The following ALCAM variants were observed in gnomAD, a reference collection of about 807,000 sequenced individuals.
The protein encoded by ALCAM is activated leukocyte cell adhesion molecule, also known as CD166 antigen.
Under a neutral mutation model 70.9 loss-of-function variants are expected in ALCAM, and 30 were observed. That is an observed-to-expected ratio of 0.42 (90% CI 0.32 to 0.57). The LOEUF is 0.57. ALCAM is among the 20% of genes least tolerant of loss of function. The pLI is 0.11. For missense variants in ALCAM, 591 were observed against 695.1 expected (o/e 0.85, Z 1.68); for synonymous variants, 249 against 242.5 (o/e 1.03, Z -0.25).
intron 1 of ALCAM, among the ~76,000 whole-genome samples, chr3:105,518,070 A>G (rs1216434975): frequency 1.3e-5 from 2 of 152,098 alleles, no homozygotes; most frequent in Admixed American, 6.6e-5. Context: ...GAAAAGAAAA[A>G]TGGTCTGTGA....
chr3:105,458,083 A>G (rs113452169), intron 1 of ALCAM, among the ~76,000 whole-genome samples: 15 of 29,350 alleles, frequency 5.1e-4, no homozygotes, highest in African/African-American at 1.0e-3. Context: ...ACTTCAGGGG[A>G]AAAAAAAAAA....
intron 6 of ALCAM, among the ~76,000 whole-genome samples, 174 bp from the exon 7 acceptor site, chr3:105,539,801 T>C (rs1180969526): frequency 6.6e-6 from 1 of 152,134 alleles, no homozygotes; most frequent in Non-Finnish European, 1.5e-5. Context: ...CTAAGATTAG[T>C]ACTTGTATAG....
intron 1 of ALCAM, among the ~76,000 whole-genome samples, chr3:105,456,831 AG>A (rs1937540584): frequency 6.6e-6 from 1 of 152,186 alleles, no homozygotes; most frequent in Admixed American, 6.5e-5. Context: ...CAGGTAAAAA[AG>A]AAAAAAAAAC....
Position 105,575,842 on chromosome 3 carries a change from A to G in ALCAM, c.*1391A>G, listed in dbSNP as rs538645694. 1.3e-5 allele frequency: 2 copies of G among 152,206 alleles called. No individual in the cohort carries two copies. Among genetic ancestry groups the G allele is most frequent in the Non-Finnish European group, 2.9e-5 (2 of 68,040 alleles). The allele number at this position is 152,206 out of a possible 1,614,324, so 9.4% of individuals were successfully genotyped here. A position where few individuals can be genotyped will look rare whatever the true frequency, so the allele number is the denominator to read the frequency against. On this transcript the variant is annotated 3_prime_UTR_variant, in exon 16 of 16. Coordinates refer to ENST00000306107, the MANE Select transcript of ALCAM (RefSeq NM_001627.4). The stretch of plus-strand genomic sequence containing the variant: ...ACATCAGATTTCTAGGTATAGAACT[A>G]TGTTATTGAAAGGAAAAGGAAAACT...
intron 1 of ALCAM, among the ~76,000 whole-genome samples, chr3:105,452,704 A>T (rs879031348): frequency 6.6e-6 from 1 of 152,172 alleles, no homozygotes; most frequent in African/African-American, 2.4e-5. Context: ...GTATAAAAGC[A>T]TTCCTGTTTC....
At chr3:105,515,589 T>A (rs938710119) in intron 1 of ALCAM, among the ~76,000 whole-genome samples, 2 of 151,992 alleles carry the variant, frequency 1.3e-5, no homozygotes, top group Non-Finnish European at 2.9e-5. Flanking sequence ...GCCTGGAGAC[T>A]TTTTGGCTGT....
At chr3:105,522,134 A>C (rs1271522822) in intron 2 of ALCAM, among the ~76,000 whole-genome samples, 2 of 152,216 alleles carry the variant, frequency 1.3e-5, no homozygotes, top group Non-Finnish European at 2.9e-5. Flanking sequence ...GAGTTAGTAA[A>C]CCCAGGGAGT....
chr3:105,435,941 A>G (rs1254450449), intron 1 of ALCAM, among the ~76,000 whole-genome samples: 1 of 152,156 alleles, frequency 6.6e-6, no homozygotes, highest in African/African-American at 2.4e-5. Context: ...TGGACTTAAC[A>G]GTTCTACATA....
Position 105,547,444 on chromosome 3 carries a change from C to T in ALCAM, c.1295C>T (p.Thr432Ile). ...KKTDPSGLSK[T>I]IICHVEGFPK... ...ACTGATCCCAGTGGACTATCTAAAACAATAATCTGCCATGTGGAAGGTTTT... is the reference window on the plus strand; with the variant it reads ...ACTGATCCCAGTGGACTATCTAAAATAATAATCTGCCATGTGGAAGGTTTT... Residue 432 changes from threonine (T) to isoleucine (I), a missense_variant, in exon 11 of 16, where the codon ACA becomes ATA. Transcript: ENST00000306107. The T allele has an allele frequency of 1.2e-6, 2 of 1,610,450 alleles. No individual in the cohort carries two copies. Among genetic ancestry groups the T allele is most frequent in the Non-Finnish European group, 1.7e-6 (2 of 1,177,670 alleles).
intron 1 of ALCAM, among the ~76,000 whole-genome samples, chr3:105,487,223 A>G (rs185342409): frequency 3.4e-3 from 522 of 152,222 alleles, no homozygotes; most frequent in African/African-American, 0.011. Context: ...GTCCCATTCT[A>G]TTCTCCCATC....
intron 1 of ALCAM, among the ~76,000 whole-genome samples, chr3:105,432,482 A>T: frequency 6.6e-6 from 1 of 152,158 alleles, no homozygotes; most frequent in East Asian, 1.9e-4. Flanking sequence ...TGAGCTTCAG[A>T]TCCTCCAGGA....
chr3:105,453,151 C>A (rs1937476651), intron 1 of ALCAM, among the ~76,000 whole-genome samples: 1 of 152,150 alleles, frequency 6.6e-6, no homozygotes, highest in South Asian at 2.1e-4. Flanking sequence ...TTTGCCTATG[C>A]CTACATCCTG....
chr3:105,520,381 T>C (rs973190092), intron 2 of ALCAM, among the ~76,000 whole-genome samples: 5 of 152,160 alleles, frequency 3.3e-5, no homozygotes, highest in Admixed American at 6.5e-5. Context: ...AAACACATAG[T>C]TCTTAGAATG....
intron 1 of ALCAM, among the ~76,000 whole-genome samples, chr3:105,478,956 C>T (rs111321629): frequency 0.017 from 2,596 of 152,078 alleles, 38 homozygotes; most frequent in African/African-American, 0.036. Flanking sequence ...CCACTTATCA[C>T]CCTCCTATTT....
intron 8 of ALCAM, among the ~76,000 whole-genome samples, chr3:105,542,751 G>C (rs1033603418): frequency 2.6e-5 from 4 of 151,740 alleles, no homozygotes; most frequent in African/African-American, 9.7e-5. Flanking sequence ...ATACAGGGAG[G>C]TACATTGGGG....
chr3:105,465,415 C>CCT (rs1309399892), intron 1 of ALCAM, among the ~76,000 whole-genome samples: 1 of 151,284 alleles, frequency 6.6e-6, no homozygotes, highest in Admixed American at 6.6e-5. Context: ...AGCAGAAGAT[C>CCT]AGCTGTGGAA....
intron 1 of ALCAM, among the ~76,000 whole-genome samples, chr3:105,424,411 A>G (rs1936740565): frequency 6.6e-6 from 1 of 151,694 alleles, no homozygotes. Context: ...TGTTCTTTCC[A>G]TTACATTGAT....
intron 14 of ALCAM, chr3:105,552,891 C>T: frequency 9.1e-7 from 1 of 1,100,198 alleles, no homozygotes; most frequent in Non-Finnish European, 1.1e-6. Flanking sequence ...TAAAGGTCAA[C>T]AACCATAGAC....
intron 1 of ALCAM, among the ~76,000 whole-genome samples, chr3:105,385,748 CTT>C (rs1298523688): frequency 1.3e-5 from 2 of 151,570 alleles, no homozygotes; most frequent in East Asian, 3.9e-4. Flanking sequence ...ATTTATGGTT[CTT>C]TATTAAGTTT....
Sources: gnomAD v4.1 joint callset for allele counts (sites outside exome capture counted in the v4.1 genomes callset) on GRCh38, gnomAD v4.1.1 for gene constraint, MANE v1.5 for transcripts, NCBI Gene and HGNC (gene_info 2026-07-23, HGNC 2026-07-21) for gene names.